PTPRQ: variants seen among roughly 807,000 people sequenced by gnomAD.
The protein encoded by PTPRQ is phosphatidylinositol phosphatase PTPRQ.
A neutral mutation model predicts 246.0 loss-of-function variants in PTPRQ; 199 were observed. The observed-to-expected ratio is 0.81, with a 90% confidence interval of 0.72 to 0.91. The LOEUF is 0.91. PTPRQ is among the 40% of genes least tolerant of loss of function. The probability of loss-of-function intolerance (pLI) is 0.00; values close to 1 mark genes in which losing one functional copy is unlikely to be tolerated. For synonymous variants in PTPRQ, 869 were observed against 853.2 expected (o/e 1.02, Z -0.32); for missense variants, 2,624 against 2,528.4 (o/e 1.04, Z -0.81).
intron 43 of PTPRQ, among the ~76,000 whole-genome samples, chr12:80,674,355 A>C (rs1234852166): frequency 2.0e-5 from 3 of 152,152 alleles, no homozygotes; most frequent in Non-Finnish European, 4.4e-5. Flanking sequence ...AAAGACATAA[A>C]TTTTTAGGAT....
At position 80,678,692 on chromosome 12, in the gene PTPRQ, C is replaced by A. The variant is rs1178587935; in HGVS notation, c.6829C>A (p.Leu2277Ile). The A allele has an allele frequency of 6.5e-7, 1 of 1,550,176 alleles. No homozygotes were observed. Among genetic ancestry groups the A allele is most frequent in the Admixed American group, 2.0e-5 (1 of 50,924 alleles). ...CATCTGTTTTGTTAACTATTCAGCA[C>A]TTCAGAAGATGGACTCTTTGGACGC... ...QPICFVNYSA[L>I]QKMDSLDAME... The change falls in exon 44 of 45, where the codon CTT becomes ATT. Residue 2277 changes from leucine (L) to isoleucine (I), a missense_variant. Transcript: ENST00000644991.
At chr12:80,531,425 T>C (rs1314668117) in intron 17 of PTPRQ, among the ~76,000 whole-genome samples, 1 of 152,190 alleles carries the variant, frequency 6.6e-6, no homozygotes, top group East Asian at 1.9e-4. Flanking sequence ...CAACTTATTA[T>C]AGCAGTGTCA....
chr12:80,484,626 T>G (rs534550525), intron 9 of PTPRQ, 21 bp downstream of exon 9: 1 of 1,547,232 alleles, frequency 6.5e-7, no homozygotes, highest in South Asian at 1.2e-5. Context: ...TTTATTTCAC[T>G]TATTGGTGAA....
intron 19 of PTPRQ, among the ~76,000 whole-genome samples, chr12:80,536,609 C>A (rs1248138365): frequency 2.0e-5 from 3 of 152,144 alleles, no homozygotes; most frequent in African/African-American, 7.2e-5. Context: ...CAGATGTAAT[C>A]GTAAATCAAC....
intron 3 of PTPRQ, among the ~76,000 whole-genome samples, chr12:80,456,129 A>C (rs948944218): frequency 1.2e-4 from 18 of 152,142 alleles, no homozygotes; most frequent in Admixed American, 8.5e-4. Context: ...AGAGAGAAGA[A>C]AATATATAAA....
At chr12:80,651,979 T>C (rs1328452471) in intron 37 of PTPRQ, among the ~76,000 whole-genome samples, 5 of 152,098 alleles carry the variant, frequency 3.3e-5, no homozygotes, top group African/African-American at 1.2e-4. Context: ...TATATTGATG[T>C]TGAAAAATTG....
In PTPRQ at chr12:80,484,510, C is replaced by G. The variant is rs1049232863; in HGVS notation, c.1264C>G (p.Gln422Glu). Residue 422 changes from glutamine (Q) to glutamate (E), a missense_variant, in exon 9 of 45, where the codon CAA becomes GAA. Transcript: ENST00000644991. The stretch of plus-strand genomic sequence containing the variant: ...AAGAATTACTTGGAAGAAACCACGA[C>G]AACCAAATGGAATTATTAACCAATA... ...QVRITWKKPR[Q>E]PNGIINQYRV... The G allele has an allele frequency of 6.4e-7, 1 of 1,551,316 alleles. No homozygotes were observed.
rs1029388350 is a variant in PTPRQ at position 80,510,506 on chromosome 12, T to C, written c.2678+63T>C. On this transcript the variant is annotated intron_variant, in intron 17 of 44. Coordinates refer to ENST00000644991, the MANE Select transcript of PTPRQ (RefSeq NM_001145026.2). Reference sequence around the variant, plus strand: ...ATATTAATCTGTAACATAATAGGAATGTAGCTTTTAGATTTCAGAATGTGG... The same window carrying C: ...ATATTAATCTGTAACATAATAGGAACGTAGCTTTTAGATTTCAGAATGTGG... The C allele has an allele frequency of 6.6e-6, 9 of 1,370,838 alleles. No homozygotes were observed. The African/African-American group carries it at 1.3e-4, about 20-fold the overall frequency. The allele number at this position is 1,370,838 out of a possible 1,614,324, so 84.9% of individuals were successfully genotyped here.
intron 6 of PTPRQ, among the ~76,000 whole-genome samples, chr12:80,466,698 C>T (rs560700022): frequency 3.3e-5 from 5 of 152,154 alleles, no homozygotes; most frequent in South Asian, 2.1e-4. Flanking sequence ...TCTGAAATAA[C>T]GCTGCATATC....
rs891298158 is a variant in PTPRQ at position 80,588,518 on chromosome 12, C to T, written c.4609+66C>T. On this transcript the variant is annotated intron_variant, in intron 26 of 44. Coordinates refer to ENST00000644991, the MANE Select transcript of PTPRQ (RefSeq NM_001145026.2). ...ATTCTGTATCTGTCTATATATTATG[C>T]TTTATACTTAATCTAATTGTGTGTA... The T allele has an allele frequency of 2.3e-6, 3 of 1,326,160 alleles. No individual in the cohort carries two copies. In the African/African-American group the frequency reaches 4.5e-5, roughly 20 times the overall value. 82.1% of individuals were successfully genotyped at this position (1,326,160 alleles called of 1,614,324 possible). A position where few individuals can be genotyped will look rare whatever the true frequency, so the allele number is the denominator to read the frequency against.
intron 38 of PTPRQ, among the ~76,000 whole-genome samples, chr12:80,657,139 C>T (rs567649159): frequency 3.5e-4 from 53 of 151,510 alleles, no homozygotes; most frequent in African/African-American, 1.3e-3. Context: ...TGACAAAAGG[C>T]GATATGTAGC....
intron 26 of PTPRQ, among the ~76,000 whole-genome samples, chr12:80,599,468 G>A (rs1898072314): frequency 6.6e-6 from 1 of 151,812 alleles, no homozygotes; most frequent in South Asian, 2.1e-4. Flanking sequence ...AAGTTACTAA[G>A]CTTTTAAACT....
At chr12:80,484,855 G>C (rs1246597680) in intron 9 of PTPRQ, among the ~76,000 whole-genome samples, 1 of 152,042 alleles carries the variant, frequency 6.6e-6, no homozygotes, top group Non-Finnish European at 1.5e-5. Flanking sequence ...CAGGACTAAA[G>C]GTATTTTCAT....
intron 31 of PTPRQ, 116 bp from the exon 32 acceptor site, chr12:80,620,037 TG>T: frequency 7.8e-7 from 1 of 1,280,224 alleles, no homozygotes; most frequent in Non-Finnish European, 1.0e-6. Context: ...GAATTATCTC[TG>T]GTGACTGATG....
At chr12:80,622,762 A>G (rs1167355685) in intron 33 of PTPRQ, among the ~76,000 whole-genome samples, 1 of 152,118 alleles carries the variant, frequency 6.6e-6, no homozygotes, top group Non-Finnish European at 1.5e-5. Flanking sequence ...TTTAATTTCT[A>G]TAAATCTGAG....
At chr12:80,670,748 A>C (rs1272535141) in intron 42 of PTPRQ, among the ~76,000 whole-genome samples, 1 of 152,088 alleles carries the variant, frequency 6.6e-6, no homozygotes, top group Admixed American at 6.6e-5. Flanking sequence ...ATTCTACTTA[A>C]ATGAGATACT....
At chr12:80,504,611 C>G (rs550003853) in intron 14 of PTPRQ, among the ~76,000 whole-genome samples, 26 of 151,822 alleles carry the variant, frequency 1.7e-4, no homozygotes, top group African/African-American at 5.8e-4. Flanking sequence ...GAAACTTTAG[C>G]TGTGAGAAAT....
chr12:80,623,834 A>G (rs1030021944), intron 33 of PTPRQ, among the ~76,000 whole-genome samples: 14 of 152,256 alleles, frequency 9.2e-5, no homozygotes, highest in South Asian at 6.2e-4. Flanking sequence ...ATGAGAAAGA[A>G]AAGCTATAAA....
intron 3 of PTPRQ, among the ~76,000 whole-genome samples, chr12:80,455,916 T>C (rs1892967577): frequency 6.6e-6 from 1 of 152,100 alleles, no homozygotes; most frequent in African/African-American, 2.4e-5. Flanking sequence ...ACATAGTTAA[T>C]ATGTAAAATT....
Sources: gnomAD v4.1 joint callset for allele counts (sites outside exome capture counted in the v4.1 genomes callset) on GRCh38, gnomAD v4.1.1 for gene constraint, MANE v1.5 for transcripts, NCBI Gene and HGNC (gene_info 2026-07-23, HGNC 2026-07-21) for gene names.